The following HDAC6 variants were observed in gnomAD, a reference collection of about 807,000 sequenced individuals.
HDAC6 encodes protein deacetylase HDAC6.
Under a neutral mutation model 88.9 loss-of-function variants are expected in HDAC6, and 5 were observed. The ratio of observed to expected loss-of-function variants is 0.06; its 90% CI spans 0.03 to 0.12. The LOEUF is 0.12. Ranked by LOEUF, HDAC6 falls within the 10% of genes least tolerant of loss-of-function variation. The probability of loss-of-function intolerance (pLI) is 1.00; values close to 1 mark genes in which losing one functional copy is unlikely to be tolerated. For missense variants in HDAC6, 706 were observed against 1,014.4 expected (o/e 0.70, Z 4.13); for synonymous variants, 378 against 398.0 (o/e 0.95, Z 0.60).
At position 48,818,394 on chromosome X, in the gene HDAC6, G is replaced by A. The variant is rs1602268444; in HGVS notation, c.2169G>A (p.Val723=). The A allele has an allele frequency of 8.5e-7, 1 of 1,176,228 alleles. No homozygotes were observed. The highest frequency in any genetic ancestry group is 3.0e-5 in the East Asian group (1 of 33,516). Residue 723 remains valine (V), a synonymous_variant, in exon 22 of 29, where the codon GTG becomes GTA. Coordinates refer to ENST00000334136, the MANE Select transcript of HDAC6 (RefSeq NM_006044.4). ...ADYLAAWHRL[V]LPIAYEFNPE... ...ACCTAGCTGCCTGGCATCGCCTGGTGCTTCCCATTGCCTACGAGGTACAGC... is the reference window on the plus strand; with the variant it reads ...ACCTAGCTGCCTGGCATCGCCTGGTACTTCCCATTGCCTACGAGGTACAGC...
At chrX:48,820,988 C>T (rs1456229198) in intron 23 of HDAC6, among the ~76,000 whole-genome samples, 1 of 110,444 alleles carries the variant, frequency 9.1e-6, no homozygotes, top group African/African-American at 3.3e-5. Flanking sequence ...CAGGCACCCG[C>T]CACCACGCCC....
chrX:48,815,045 T>G lies in HDAC6; in HGVS notation c.1143T>G (p.Ser381=). ...TGGCAGGAGGCAAGCTGATCCTGTC[T>G]CTGGAGGTGAGTGACTCACCTTCGT... ...MGLAGGKLIL[S]LEGGYNLRAL... Residue 381 remains serine (S), a synonymous_variant, in exon 14 of 29, where the codon TCT becomes TCG. Transcript: ENST00000334136. 8.4e-7 allele frequency: 1 copy of G among 1,191,501 alleles called. No individual in the cohort carries two copies. Among genetic ancestry groups the G allele is most frequent in the Non-Finnish European group, 1.1e-6 (1 of 882,948 alleles).
At chrX:48,822,237 G>A (rs1557030159) in intron 23 of HDAC6, among the ~76,000 whole-genome samples, 1 of 111,697 alleles carries the variant, frequency 9.0e-6, no homozygotes, top group Non-Finnish European at 1.9e-5. Context: ...TGGACAGTGT[G>A]AAGACGGATT....
intron 10 of HDAC6, among the ~76,000 whole-genome samples, chrX:48,811,729 C>T (rs2062905215): frequency 8.9e-6 from 1 of 112,035 alleles, no homozygotes; most frequent in Admixed American, 9.5e-5. Flanking sequence ...TAGCTTTGGG[C>T]TTTGTTGGTC....
chrX:48,824,346 C>T (rs1557031689), intron 28 of HDAC6, 52 bp downstream of exon 28: 2 of 1,183,044 alleles, frequency 1.7e-6, no homozygotes, highest in East Asian at 5.9e-5. Context: ...CCCACACACA[C>T]ACCCCTTCTG....
intron 23 of HDAC6, among the ~76,000 whole-genome samples, chrX:48,821,475 G>A (rs182879167): frequency 1.9e-5 from 2 of 103,155 alleles, no homozygotes; most frequent in African/African-American, 3.6e-5. Context: ...ACAGGCATGA[G>A]CTACCATACC....
rs1557031967 is a variant in HDAC6 at position 48,824,860 on chromosome X, G to A, written c.*248G>A. Reference sequence around the variant, plus strand: ...CTACTCCAGCCCAGAAGGAAAGGGGGGCAGCTCAGTGGCCCCAAGAGGGAG... The same window carrying A: ...CTACTCCAGCCCAGAAGGAAAGGGGAGCAGCTCAGTGGCCCCAAGAGGGAG... On this transcript the variant is annotated 3_prime_UTR_variant, in exon 29 of 29. Coordinates refer to ENST00000334136, the MANE Select transcript of HDAC6 (RefSeq NM_006044.4). The A allele has an allele frequency of 2.7e-6, 3 of 1,122,499 alleles. No homozygotes were observed. Among genetic ancestry groups the A allele is most frequent in the South Asian group, 4.0e-5 (2 of 49,946 alleles). The allele number at this position is 1,122,499 out of a possible 1,213,427, so 92.5% of individuals were successfully genotyped here.
intron 20 of HDAC6, 141 bp from the exon 21 acceptor site, chrX:48,817,900 G>A: frequency 1.8e-6 from 1 of 557,733 alleles, no homozygotes; most frequent in South Asian, 2.8e-5. Context: ...TGGGAACCAG[G>A]ATCAGACTTT....
intron 4 of HDAC6, among the ~76,000 whole-genome samples, chrX:48,803,620 T>A (rs1557023257): frequency 1.8e-5 from 2 of 112,009 alleles, no homozygotes. Flanking sequence ...GAGACGTTTG[T>A]ACTGAAACAG....
At chrX:48,808,217 T>C in intron 9 of HDAC6, 41 bp from the exon 10 acceptor site, 1 of 1,172,990 alleles carries the variant, frequency 8.5e-7, no homozygotes, top group Non-Finnish European at 1.2e-6. Context: ...AGATTCACCT[T>C]GATCTCCTTG....
At chrX:48,812,001 T>TAA (rs1557026011) in intron 10 of HDAC6, among the ~76,000 whole-genome samples, 1 of 112,594 alleles carries the variant, frequency 8.9e-6, no homozygotes, top group Non-Finnish European at 1.9e-5. Context: ...CTCTAAAACA[T>TAA]AAGTACACTT....
chrX:48,818,310 G>A lies in HDAC6; in HGVS notation c.2085G>A (p.Ala695=), dbSNP rs782736253. The change falls in exon 22 of 29, where the codon GCG becomes GCA. Residue 695 remains alanine, a synonymous_variant. Transcript: ENST00000334136. Reference sequence around the variant, plus strand: ...CCAGCAGCCAGATCGGCCGGGCTGCGGGCACAGGCTTCACCGTCAACGTGG... The same window carrying A: ...CCAGCAGCCAGATCGGCCGGGCTGCAGGCACAGGCTTCACCGTCAACGTGG... ...EGASSQIGRA[A]GTGFTVNVAW... is the part of the protein sequence containing the mutation. 11 of 1,204,492 alleles carry A rather than the reference G, an allele frequency of 9.1e-6. No homozygotes were observed. Among genetic ancestry groups the A allele is most frequent in the East Asian group, 3.0e-5 (1 of 33,580 alleles).
At chrX:48,802,459 C>T (rs1188983660) in intron 1 of HDAC6, 9 of 1,014,813 alleles carry the variant, frequency 8.9e-6, no homozygotes, top group African/African-American at 2.0e-5. Flanking sequence ...TGGAGTCTAG[C>T]GGGCCGGGCG....
In HDAC6 at chrX:48,823,783, C is replaced by A; in HGVS notation, c.3301C>A (p.Gln1101Lys). 3.3e-6 allele frequency: 4 copies of A among 1,196,797 alleles called. No homozygotes were observed. The highest frequency in any genetic ancestry group is 4.5e-6 in the Non-Finnish European group (4 of 882,587). Residue 1101 changes from glutamine (Q) to lysine (K), a missense_variant and splice_region_variant, in exon 26 of 29, where the codon CAG becomes AAG. Physicochemically the swap from Gln to Lys is moderately conservative, Grantham distance 53 (BLOSUM62 1). Coordinates refer to ENST00000334136, the MANE Select transcript of HDAC6 (RefSeq NM_006044.4). ...GCAGGGATCTAGGGGCCTCACTGAT[C>A]AGGTGAGCTCAGGGAGAGGCTGGGA... ...LMQGSRGLTD[Q>K]AIFYAVTPLP...
intron 8 of HDAC6, among the ~76,000 whole-genome samples, chrX:48,807,678 A>T (rs1028546988): frequency 9.0e-6 from 1 of 111,121 alleles, no homozygotes; most frequent in Non-Finnish European, 1.9e-5. Flanking sequence ...ACACCCAGCT[A>T]ATTTTTTGTA....
rs781897644 is a variant in HDAC6, at chrX:48,814,614, C to A, written c.933+48C>A. 8 of 1,207,153 alleles carry A rather than the reference C, an allele frequency of 6.6e-6. No individual in the cohort carries two copies. In the East Asian group the frequency reaches 1.2e-4, roughly 18 times the overall value. ...CCCCAAAGTGAGGCCCAGCCCCGCCCTTCTGTCAGCGGCTCGGGACAGGTG... is the reference window on the plus strand; with the variant it reads ...CCCCAAAGTGAGGCCCAGCCCCGCCATTCTGTCAGCGGCTCGGGACAGGTG... On this transcript the variant is annotated intron_variant, in intron 11 of 28. Coordinates refer to ENST00000334136, the MANE Select transcript of HDAC6 (RefSeq NM_006044.4).
At chrX:48,803,394 C>A in intron 4 of HDAC6, 178 bp downstream of exon 4, 1 of 433,393 alleles carries the variant, frequency 2.3e-6, no homozygotes, top group Non-Finnish European at 4.0e-6. Context: ...TATTGAGTGC[C>A]TATTGTGTGC....
chrX:48,815,666 G>C (rs782470550), intron 16 of HDAC6, 24 bp downstream of exon 16: 1 of 1,172,137 alleles, frequency 8.5e-7, no homozygotes, highest in African/African-American at 1.8e-5. Flanking sequence ...TGTGGGCCTG[G>C]TGTGGGGTGG....
intron 4 of HDAC6, 83 bp downstream of exon 4, chrX:48,803,299 A>G: frequency 2.6e-6 from 2 of 761,223 alleles, no homozygotes; most frequent in Non-Finnish European, 4.0e-6. Flanking sequence ...ATCTTTTCTT[A>G]CCCCAGCCTG....
Sources: allele counts gnomAD v4.1 joint callset (sites outside exome capture counted in the v4.1 genomes callset), GRCh38; gene constraint gnomAD v4.1.1; transcripts MANE v1.5; gene names NCBI Gene and HGNC (gene_info 2026-07-23, HGNC 2026-07-21).